The following RHOT1 variants were observed in gnomAD, a reference collection of about 807,000 sequenced individuals.
RHOT1 encodes mitochondrial Rho GTPase 1.
In RHOT1, 27 loss-of-function variants were observed where a neutral mutation model predicts 95.3. The observed-to-expected ratio is 0.28, with a 90% confidence interval of 0.21 to 0.39. The LOEUF is 0.39. RHOT1 is among the 10% of genes least tolerant of loss of function. RHOT1 has a pLI of 1.00. For missense variants in RHOT1, 578 were observed against 786.7 expected (o/e 0.73, Z 3.17); for synonymous variants, 227 against 263.5 (o/e 0.86, Z 1.34).
Position 32,188,141 on chromosome 17 carries a change from A to G in RHOT1, c.541-4060A>G, listed in dbSNP as rs551742139. Among the ~76,000 whole-genome samples, 5 of 152,348 alleles carry G rather than the reference A, an allele frequency of 3.3e-5. No individual in the cohort carries two copies. The South Asian group carries it at 8.3e-4, about 25-fold the overall frequency. On this transcript the variant is annotated intron_variant, in intron 8 of 19. Transcript: ENST00000545287. Reference sequence around the variant, plus strand: ...CTAGACAGCATTTCAAGTACTATGTATATCACTCTACCAGGACCTTTTATT... The same window carrying G: ...CTAGACAGCATTTCAAGTACTATGTGTATCACTCTACCAGGACCTTTTATT...
At chr17:32,191,771 A>G (rs2036508055) in intron 8 of RHOT1, among the ~76,000 whole-genome samples, 1 of 152,238 alleles carries the variant, frequency 6.6e-6, no homozygotes, top group South Asian at 2.1e-4. Flanking sequence ...ACACAGGGGA[A>G]AGATCAAAAC....
chr17:32,181,619 A>G (rs551664951), intron 6 of RHOT1, among the ~76,000 whole-genome samples: 29 of 152,304 alleles, frequency 1.9e-4, no homozygotes, highest in African/African-American at 6.7e-4. Flanking sequence ...AGCTTCAACA[A>G]TTAACTCATG....
rs550438379 is a variant in RHOT1, at chr17:32,167,155, C to G, written c.38-3888C>G. ...CGTCTCCATCTGAGCTCTTGGGTGACCAGGTGTATTGTCAGTGAGCAGTAA... is the reference window on the plus strand; with the variant it reads ...CGTCTCCATCTGAGCTCTTGGGTGAGCAGGTGTATTGTCAGTGAGCAGTAA... On this transcript the variant is annotated intron_variant, in intron 1 of 19. Coordinates refer to ENST00000545287, the MANE Select transcript of RHOT1 (RefSeq NM_001033566.3). Among the ~76,000 whole-genome samples, 34 of 152,158 alleles carry G rather than the reference C, an allele frequency of 2.2e-4. No individual in the cohort carries two copies. In the South Asian group the frequency reaches 7.1e-3, roughly 32 times the overall value.
At chr17:32,179,824 C>CT (rs2035447335) in intron 6 of RHOT1, 2 of 147,660 alleles carry the variant, frequency 1.4e-5, no homozygotes, top group Non-Finnish European at 3.0e-5. Context: ...CCTGGCCGCC[C>CT]ATCGTCTGGG....
At chr17:32,170,116 C>G (rs1011958772) in intron 1 of RHOT1, among the ~76,000 whole-genome samples, 4 of 151,882 alleles carry the variant, frequency 2.6e-5, no homozygotes, top group Non-Finnish European at 5.9e-5. Context: ...ATACAACTAT[C>G]AAAAATAATG....
Position 32,183,191 on chromosome 17 carries a change from G to T in RHOT1, c.459G>T (p.Lys153Asn). 6.3e-7 allele frequency: 1 copy of T among 1,581,368 alleles called. No homozygotes were observed. The highest frequency in any genetic ancestry group is 8.6e-7 in the Non-Finnish European group (1 of 1,159,336). ...TTCAGTGTTCAGCGAAAAACCTGAA[G>T]AACATATCAGAGCTCTTTTATTACG... The part of the protein sequence containing the change: ...TCVECSAKNL[K>N]NISELFYYAQ... The change falls in exon 8 of 20, where the codon AAG (lysine) becomes AAT (asparagine). Residue 153 changes from lysine (K) to asparagine (N), a missense_variant. Coordinates refer to ENST00000545287, the MANE Select transcript of RHOT1 (RefSeq NM_001033566.3).
At chr17:32,212,340 C>T (rs1164114288) in intron 19 of RHOT1, among the ~76,000 whole-genome samples, 1 of 152,218 alleles carries the variant, frequency 6.6e-6, no homozygotes, top group Non-Finnish European at 1.5e-5. Context: ...GCACTAACAG[C>T]TCTGGAATAA....
At chr17:32,145,628 A>T (rs1567644572) in intron 1 of RHOT1, among the ~76,000 whole-genome samples, 1 of 152,120 alleles carries the variant, frequency 6.6e-6, no homozygotes, top group African/African-American at 2.4e-5. Flanking sequence ...TTTTATTTTT[A>T]ATTTTTTTAC....
intron 1 of RHOT1, among the ~76,000 whole-genome samples, chr17:32,165,336 CAAAAAA>C (rs773728913): frequency 8.7e-5 from 3 of 34,320 alleles, no homozygotes; most frequent in South Asian, 1.1e-3. Context: ...GACTCCGTCT[CAAAAAA>C]AAAAAAAAAA....
chr17:32,155,479 TTTTCTTTC>T (rs947373123), intron 1 of RHOT1, among the ~76,000 whole-genome samples: 18 of 151,324 alleles, frequency 1.2e-4, no homozygotes, highest in Non-Finnish European at 5.9e-5. Context: ...TTTCTTTTCT[TTTTCTTTC>T]TTTCTTTCTT....
intron 3 of RHOT1, 128 bp downstream of exon 3, chr17:32,174,040 G>T (rs1463841981): frequency 7.3e-6 from 5 of 687,938 alleles, no homozygotes; most frequent in Non-Finnish European, 1.3e-5. Context: ...GATCCTTTAC[G>T]ATTCTTATCT....
intron 14 of RHOT1, among the ~76,000 whole-genome samples, chr17:32,202,309 G>C (rs550871408): frequency 6.6e-6 from 1 of 152,200 alleles, no homozygotes; most frequent in Non-Finnish European, 1.5e-5. Flanking sequence ...TTGAAAGGAC[G>C]GCTAACCCCA....
intron 11 of RHOT1, among the ~76,000 whole-genome samples, chr17:32,198,117 A>T (rs2037041684): frequency 6.7e-6 from 1 of 150,076 alleles, no homozygotes; most frequent in South Asian, 2.1e-4. Flanking sequence ...CTGGTCTTGA[A>T]CTCCTGGGCT....
At chr17:32,206,192 CTTTTTTTTTTTTTT>C (rs71144812) in intron 16 of RHOT1, among the ~76,000 whole-genome samples, 3 of 60,518 alleles carry the variant, frequency 5.0e-5, no homozygotes, top group East Asian at 3.8e-4. Flanking sequence ...TCCATAGAAT[CTTTTTTTTTTTTTT>C]TTTTTTTTTT....
intron 8 of RHOT1, among the ~76,000 whole-genome samples, chr17:32,188,569 A>C (rs8080615): frequency 0.034 from 5,212 of 152,330 alleles, 299 homozygotes; most frequent in African/African-American, 0.12. Flanking sequence ...TAACATATAA[A>C]CATTTGCAAT....
intron 2 of RHOT1, among the ~76,000 whole-genome samples, chr17:32,171,720 C>G (rs185823362): frequency 1.3e-5 from 2 of 152,316 alleles, no homozygotes; most frequent in Admixed American, 1.3e-4. Flanking sequence ...CTGACACTCC[C>G]TGGTCTGTGA....
intron 1 of RHOT1, among the ~76,000 whole-genome samples, chr17:32,152,877 C>T (rs2032491285): frequency 6.6e-6 from 1 of 151,810 alleles, no homozygotes; most frequent in Non-Finnish European, 1.5e-5. Flanking sequence ...GATCATGGCT[C>T]ACTGTAGCTT....
rs1048091513 is a variant in RHOT1 at position 32,185,667 on chromosome 17, C to T, written c.540+2395C>T. Among the ~76,000 whole-genome samples, 6 of 151,650 alleles carry T rather than the reference C, an allele frequency of 4.0e-5. 1 individual carries two copies. The highest frequency in any genetic ancestry group is 1.5e-4 in the African/African-American group (6 of 41,350). ...AAGCAATGCACCCGCCTTGGCCTCC[C>T]AAAGTGTTGGGATTACAGGTGTGAA... On this transcript the variant is annotated intron_variant, in intron 8 of 19. Transcript: ENST00000545287.
At position 32,168,389 on chromosome 17, in the gene RHOT1, C is replaced by T. The variant is rs142798655; in HGVS notation, c.38-2654C>T. Among the ~76,000 whole-genome samples, 498 of 152,148 alleles carry T rather than the reference C, an allele frequency of 3.3e-3. 5 individuals carry two copies. Among genetic ancestry groups the T allele is most frequent in the African/African-American group, 0.012 (483 of 41,540 alleles). ...GGCTCAAGCAGTCCTCCTGCCTCAG[C>T]CTCGCAAGTAGCTGGGACTACAAGT... On this transcript the variant is annotated intron_variant, in intron 1 of 19. Transcript: ENST00000545287.
Sources: gnomAD v4.1 joint callset for allele counts (sites outside exome capture counted in the v4.1 genomes callset) on GRCh38, gnomAD v4.1.1 for gene constraint, MANE v1.5 for transcripts, NCBI Gene and HGNC (gene_info 2026-07-23, HGNC 2026-07-21) for gene names.